The following SPMIP4 variants were observed in gnomAD, a reference collection of about 807,000 sequenced individuals.
The protein encoded by SPMIP4 is sperm-associated microtubule inner protein 4.
chr7:25,151,174 T>G, the SPMIP4 span, among the ~76,000 whole-genome samples: 1 of 151,958 alleles, frequency 6.6e-6, no homozygotes, highest in Admixed American at 6.6e-5. Flanking sequence ...TAAATCATAG[T>G]CAAAATCTCA....
chr7:25,133,104 A>G, the SPMIP4 span, among the ~76,000 whole-genome samples: 1 of 152,200 alleles, frequency 6.6e-6, no homozygotes, highest in Non-Finnish European at 1.5e-5. Context: ...TGTGAGCAGT[A>G]TATTATTGTC....
chr7:25,132,067 G>A, the SPMIP4 span, among the ~76,000 whole-genome samples: 1 of 152,198 alleles, frequency 6.6e-6, no homozygotes, highest in East Asian at 1.9e-4. The surrounding 1 kb of genome is among the most constrained non-coding windows in gnomAD (Gnocchi z 5.0). Flanking sequence ...AGTGAAAACA[G>A]ATCTCCCATA....
At chr7:25,174,737 A>G in the SPMIP4 span, among the ~76,000 whole-genome samples, 1 of 152,212 alleles carries the variant, frequency 6.6e-6, no homozygotes, top group African/African-American at 2.4e-5. This position sits in a 1 kb window ranked among gnomAD's most constrained non-coding sequence, Gnocchi z 4.5. Flanking sequence ...TTGCCCTGTG[A>G]GCTGAGAGAA....
chr7:25,158,734 C>A, the SPMIP4 span, among the ~76,000 whole-genome samples: 1 of 151,246 alleles, frequency 6.6e-6, no homozygotes, highest in Non-Finnish European at 1.5e-5. Flanking sequence ...TAGAAAAATA[C>A]CAAAAATACC....
chr7:25,168,397 C>T, the SPMIP4 span: 3 of 1,612,428 alleles, frequency 1.9e-6, no homozygotes, highest in Non-Finnish European at 1.7e-6. Context: ...CGGTATTATC[C>T]CACCATACTC....
chr7:25,136,150 G>A, the SPMIP4 span: 11 of 1,614,156 alleles, frequency 6.8e-6, no homozygotes, highest in Non-Finnish European at 9.3e-6. The surrounding 1 kb of genome is among the most constrained non-coding windows in gnomAD (Gnocchi z 5.7). Flanking sequence ...GGTCACTCCA[G>A]CTCTAGGAAT....
At chr7:25,139,124 G>A in the SPMIP4 span, among the ~76,000 whole-genome samples, 2 of 152,000 alleles carry the variant, frequency 1.3e-5, no homozygotes, top group African/African-American at 2.4e-5. Context: ...GTACACTTAA[G>A]ATTTGTGCAA....
chr7:25,155,392 T>A, the SPMIP4 span, among the ~76,000 whole-genome samples: 2 of 152,212 alleles, frequency 1.3e-5, no homozygotes, highest in Non-Finnish European at 2.9e-5. Context: ...AAACAGGACA[T>A]TTTCTTAATT....
At chr7:25,138,878 G>A in the SPMIP4 span, among the ~76,000 whole-genome samples, 1 of 152,216 alleles carries the variant, frequency 6.6e-6, no homozygotes, top group African/African-American at 2.4e-5. The surrounding 1 kb of genome is among the most constrained non-coding windows in gnomAD (Gnocchi z 6.2). Flanking sequence ...CTGGTCTGAG[G>A]TGTCATGTCT....
chr7:25,130,019 C>T, the SPMIP4 span, among the ~76,000 whole-genome samples: 1 of 151,930 alleles, frequency 6.6e-6, no homozygotes, highest in Non-Finnish European at 1.5e-5. Context: ...GGGTGGATCA[C>T]TTGATGTCAG....
the SPMIP4 span, among the ~76,000 whole-genome samples, chr7:25,127,781 G>C: frequency 6.6e-6 from 1 of 152,094 alleles, no homozygotes; most frequent in East Asian, 1.9e-4. Flanking sequence ...TGAAGAGTTA[G>C]GTATTTATTA....
chr7:25,134,563 A>G, the SPMIP4 span: 1 of 515,576 alleles, frequency 1.9e-6, no homozygotes, highest in Non-Finnish European at 2.5e-6. Flanking sequence ...CCACCCTTGC[A>G]TGGAGGTAGG....
chr7:25,131,937 G>A, the SPMIP4 span, among the ~76,000 whole-genome samples: 2 of 152,200 alleles, frequency 1.3e-5, no homozygotes, highest in Non-Finnish European at 2.9e-5. This position sits in a 1 kb window ranked among gnomAD's most constrained non-coding sequence, Gnocchi z 4.2. Flanking sequence ...GGAAGTCAGC[G>A]GCGGGTCTGC....
At chr7:25,157,821 G>C in the SPMIP4 span, among the ~76,000 whole-genome samples, 2 of 152,088 alleles carry the variant, frequency 1.3e-5, no homozygotes, top group Non-Finnish European at 2.9e-5. Context: ...CATGGATTTT[G>C]GGTCACAGTG....
At chr7:25,159,828 G>A in the SPMIP4 span, among the ~76,000 whole-genome samples, 5 of 152,118 alleles carry the variant, frequency 3.3e-5, no homozygotes, top group African/African-American at 1.2e-4. Context: ...GGGAAGTGAT[G>A]AATATATGAA....
the SPMIP4 span, among the ~76,000 whole-genome samples, chr7:25,167,794 A>C: frequency 6.6e-6 from 1 of 152,200 alleles, no homozygotes; most frequent in Non-Finnish European, 1.5e-5. Context: ...AACATTTGCT[A>C]TTCAGATTTT....
the SPMIP4 span, among the ~76,000 whole-genome samples, chr7:25,173,371 G>T: frequency 6.6e-6 from 1 of 152,218 alleles, no homozygotes; most frequent in Non-Finnish European, 1.5e-5. This position sits in a 1 kb window ranked among gnomAD's most constrained non-coding sequence, Gnocchi z 4.4. Flanking sequence ...GTAAACAAAA[G>T]TCTATTGGAA....
chr7:25,179,378 G>T, the SPMIP4 span: 1 of 1,542,500 alleles, frequency 6.5e-7, no homozygotes, highest in South Asian at 1.2e-5. Flanking sequence ...AGTCAAGGCA[G>T]GCAGAAAACA....
At chr7:25,127,259 C>G in the SPMIP4 span, among the ~76,000 whole-genome samples, 1 of 152,116 alleles carries the variant, frequency 6.6e-6, no homozygotes, top group Admixed American at 6.6e-5. Flanking sequence ...GTCATTATCT[C>G]GCTGAATAAA....
Sources: gnomAD v4.1 joint callset for allele counts (sites outside exome capture counted in the v4.1 genomes callset) on GRCh38, gnomAD v4.1.1 for gene constraint, Gnocchi (gnomAD v3.1) non-coding constraint, MANE v1.5 for transcripts, NCBI Gene and HGNC (gene_info 2026-07-23, HGNC 2026-07-21) for gene names.